The following FLI1 variants were observed in gnomAD, a reference collection of about 807,000 sequenced individuals.
FLI1 encodes Fli-1 proto-oncogene, ETS transcription factor.
A neutral mutation model predicts 53.1 loss-of-function variants in FLI1; 13 were observed. The observed-to-expected ratio is 0.24, with a 90% CI of 0.16 to 0.39. The LOEUF is 0.39. Among genes scored for constraint, FLI1 ranks in the 10% least tolerant of loss-of-function variants. The pLI is 1.00. For synonymous variants in FLI1, 244 were observed against 236.7 expected (o/e 1.03, Z -0.28); for missense variants, 424 against 600.5 (o/e 0.71, Z 3.07).
intron 2 of FLI1, among the ~76,000 whole-genome samples, chr11:128,761,419 G>A (rs1006928645): frequency 4.6e-5 from 7 of 152,168 alleles, no homozygotes; most frequent in East Asian, 1.9e-4. Flanking sequence ...GGCCTGAAAC[G>A]GTAGGTGCTC....
intron 4 of FLI1, among the ~76,000 whole-genome samples, chr11:128,773,529 T>C (rs1027396547): frequency 3.3e-5 from 5 of 151,400 alleles, no homozygotes; most frequent in South Asian, 2.1e-4. Context: ...TTAGGATCCA[T>C]TGGAGGCTTT....
chr11:128,812,255 A>AT lies in FLI1; in HGVS notation c.*1271dup, dbSNP rs1431311348. On this transcript the variant is annotated 3_prime_UTR_variant, in exon 9 of 9. Coordinates refer to ENST00000527786, the MANE Select transcript of FLI1 (RefSeq NM_002017.5). ...AAACTTTCCCTTGTGGAGAGGAGGGATTTTCCTGCTCTATATAAGCAACAT... is the reference window on the plus strand; with the variant it reads ...AAACTTTCCCTTGTGGAGAGGAGGGATTTTTCCTGCTCTATATAAGCAACAT... 28 of 219,838 alleles carry AT rather than the reference A, an allele frequency of 1.3e-4. No homozygotes were observed. The highest frequency in any genetic ancestry group is 6.3e-4 in the African/African-American group (28 of 44,668). The allele number at this position is 219,838 out of a possible 1,614,324, so 13.6% of individuals were successfully genotyped here.
intron 5 of FLI1, among the ~76,000 whole-genome samples, chr11:128,783,637 G>A (rs1001110384): frequency 3.9e-5 from 6 of 152,176 alleles, no homozygotes; most frequent in East Asian, 1.9e-4. Flanking sequence ...AGTGGCAAAC[G>A]CATTAGATTG....
At chr11:128,767,321 G>T (rs982903403) in intron 2 of FLI1, among the ~76,000 whole-genome samples, 3 of 152,222 alleles carry the variant, frequency 2.0e-5, no homozygotes, top group Non-Finnish European at 4.4e-5. Flanking sequence ...TCAGGTGGAA[G>T]TTCCTGGACT....
intron 5 of FLI1, among the ~76,000 whole-genome samples, chr11:128,782,487 G>T (rs912395156): frequency 1.3e-5 from 2 of 152,148 alleles, no homozygotes; most frequent in Non-Finnish European, 2.9e-5. Flanking sequence ...TTGGGGTCAG[G>T]AGTTCGAAGC....
At chr11:128,741,938 C>G (rs931141214) in intron 1 of FLI1, among the ~76,000 whole-genome samples, 1 of 152,208 alleles carries the variant, frequency 6.6e-6, no homozygotes, top group East Asian at 1.9e-4. Context: ...TGACAATGCA[C>G]TGCTTCCATT....
intron 4 of FLI1, among the ~76,000 whole-genome samples, chr11:128,776,596 A>G (rs2135852373): frequency 6.6e-6 from 1 of 152,286 alleles, no homozygotes; most frequent in African/African-American, 2.4e-5. Flanking sequence ...GGCTGCAGTG[A>G]GCTGAGATCG....
chr11:128,792,218 C>T (rs373390973), intron 5 of FLI1, among the ~76,000 whole-genome samples: 1 of 152,136 alleles, frequency 6.6e-6, no homozygotes, highest in Non-Finnish European at 1.5e-5. Flanking sequence ...CCCCTCCCCA[C>T]CTAGGCAATG....
chr11:128,731,812 G>A (rs1939710430), intron 1 of FLI1, among the ~76,000 whole-genome samples: 1 of 152,140 alleles, frequency 6.6e-6, no homozygotes, highest in South Asian at 2.1e-4. Context: ...AGATCAGCCT[G>A]GCCAACATGG....
At chr11:128,743,405 T>TAAAAA (rs373125181) in intron 1 of FLI1, among the ~76,000 whole-genome samples, 1 of 91,574 alleles carries the variant, frequency 1.1e-5, no homozygotes, top group African/African-American at 3.9e-5. Flanking sequence ...ACCATGTCTC[T>TAAAAA]AAAAAAAAAA....
rs142184947 is a variant in FLI1, at chr11:128,697,063, C to T, written c.18+2787C>T. Among the ~76,000 whole-genome samples the T allele has an allele frequency of 2.5e-4, 38 of 152,276 alleles. No homozygotes were observed. The East Asian group carries it at 3.7e-3, about 15-fold the overall frequency. ...GGAGAAGCAATATTTGCTGGAGCCA[C>T]GCTACTCTTTTGTCACAGACAGGTT... On this transcript the variant is annotated intron_variant, in intron 1 of 8. Coordinates refer to ENST00000527786, the MANE Select transcript of FLI1 (RefSeq NM_002017.5).
intron 3 of FLI1, chr11:128,768,562 G>A (rs915480885): frequency 3.2e-5 from 12 of 378,690 alleles, no homozygotes; most frequent in African/African-American, 8.2e-5. Flanking sequence ...GGTAGTGGAC[G>A]CTTATATTCC....
At chr11:128,754,784 G>A (rs1231351988) in intron 1 of FLI1, among the ~76,000 whole-genome samples, 1 of 152,224 alleles carries the variant, frequency 6.6e-6, no homozygotes, top group East Asian at 1.9e-4. Context: ...TCGTCAGGGA[G>A]GGAAGAGTCT....
upstream of FLI1, among the ~76,000 whole-genome samples, chr11:128,685,797 T>C (rs376238841): frequency 1.3e-5 from 2 of 150,094 alleles, no homozygotes; most frequent in South Asian, 4.2e-4. Context: ...CCAGAGAAGC[T>C]GTGAGCCGCC....
chr11:128,805,367 C>T lies in FLI1; in HGVS notation c.657C>T (p.Asp219=), dbSNP rs1942750949. Residue 219 remains aspartate (D), a splice_region_variant and synonymous_variant, in exon 6 of 9, where the codon GAC becomes GAT. Coordinates refer to ENST00000527786, the MANE Select transcript of FLI1 (RefSeq NM_002017.5). The stretch of plus-strand genomic sequence containing the variant: ...CCCCTATTTGTTATTGTTCATTAGA[C>T]CCTTCTTATGACTCAGTCAGAAGAG... ...DQSSRLSVKE[D]PSYDSVRRGA... 1 of 1,577,732 alleles carries T rather than the reference C, an allele frequency of 6.3e-7. No homozygotes were observed.
chr11:128,686,446 C>A (rs906697159), upstream of FLI1: 2 of 456,286 alleles, frequency 4.4e-6, no homozygotes, highest in South Asian at 1.5e-5. Context: ...AGCCCGGGGA[C>A]GGGACTGAGG....
intron 5 of FLI1, among the ~76,000 whole-genome samples, chr11:128,794,247 G>T (rs1168409114): frequency 6.6e-6 from 1 of 152,092 alleles, no homozygotes; most frequent in Non-Finnish European, 1.5e-5. Context: ...GAGGAGAAGG[G>T]TCCCAAAATA....
At chr11:128,688,536 G>T (rs1937624487) in intron 1 of FLI1, among the ~76,000 whole-genome samples, 1 of 152,182 alleles carries the variant, frequency 6.6e-6, no homozygotes, top group South Asian at 2.1e-4. Context: ...CAGGCACCCG[G>T]CTCAGGAGTT....
At chr11:128,716,059 G>A (rs1320267806) in intron 1 of FLI1, among the ~76,000 whole-genome samples, 2 of 152,182 alleles carry the variant, frequency 1.3e-5, no homozygotes, top group South Asian at 2.1e-4. Flanking sequence ...AGTCAATAAG[G>A]GGTCATGGCA....
Sources: allele counts gnomAD v4.1 joint callset (sites outside exome capture counted in the v4.1 genomes callset), GRCh38; gene constraint gnomAD v4.1.1; transcripts MANE v1.5; gene names NCBI Gene and HGNC (gene_info 2026-07-23, HGNC 2026-07-21).